The following MAPT variants were observed in gnomAD, a reference collection of about 807,000 sequenced individuals.
MAPT encodes microtubule associated protein tau.
MAPT carries 34 observed loss-of-function variants against 67.9 expected under a neutral mutation model. The ratio of observed to expected loss-of-function variants is 0.50; its 90% CI spans 0.38 to 0.67. The LOEUF (loss-of-function observed/expected upper bound fraction) is 0.67. Among genes scored for constraint, MAPT ranks in the 30% least tolerant of loss-of-function variants. The pLI is 0.00. For synonymous variants in MAPT, 456 were observed against 464.5 expected, an observed-to-expected ratio of 0.98 and a Z score of 0.23; for missense variants, 881 against 1,115.2, an observed-to-expected ratio of 0.79 and a Z score of 2.99.
intron 1 of MAPT, among the ~76,000 whole-genome samples, chr17:45,952,118 C>G (rs141357545): frequency 1.3e-5 from 2 of 152,086 alleles, no homozygotes; most frequent in Non-Finnish European, 2.9e-5. Context: ...GTCCAGGCTG[C>G]GTAGTCACCT....
At chr17:45,944,402 C>T (rs1341994081) in intron 1 of MAPT, among the ~76,000 whole-genome samples, 1 of 152,192 alleles carries the variant, frequency 6.6e-6, no homozygotes, top group African/African-American at 2.4e-5. Flanking sequence ...AGTCCAGGCA[C>T]CCATCCACTC....
intron 9 of MAPT, among the ~76,000 whole-genome samples, chr17:46,002,844 G>A (rs147658003): frequency 0.01 from 1,530 of 152,198 alleles, 18 homozygotes; most frequent in African/African-American, 0.035. Context: ...GTGCAGTGGT[G>A]CGATCATAGC....
chr17:45,909,970 G>A (rs1487297416), intron 1 of MAPT, among the ~76,000 whole-genome samples: 1 of 152,050 alleles, frequency 6.6e-6, no homozygotes, highest in African/African-American at 2.4e-5. Flanking sequence ...GAACCTGGGA[G>A]GCAGTGGTTG....
chr17:45,899,223 G>T (rs2063469754), intron 1 of MAPT, among the ~76,000 whole-genome samples: 2 of 152,130 alleles, frequency 1.3e-5, no homozygotes, highest in South Asian at 4.2e-4. Flanking sequence ...CTCGGGGAGG[G>T]TGCTACTGAC....
intron 2 of MAPT, among the ~76,000 whole-genome samples, chr17:45,965,477 G>A (rs972745366): frequency 1.3e-5 from 2 of 151,372 alleles, no homozygotes; most frequent in Non-Finnish European, 2.9e-5. Flanking sequence ...GTGTAGTGGC[G>A]CCATCTCGGC....
chr17:45,912,561 A>G (rs2064870867), intron 1 of MAPT, among the ~76,000 whole-genome samples: 1 of 152,260 alleles, frequency 6.6e-6, no homozygotes, highest in South Asian at 2.1e-4. Flanking sequence ...TTGGAGCTCC[A>G]GAGGGAGTGT....
intron 1 of MAPT, among the ~76,000 whole-genome samples, chr17:45,904,229 TTA>T (rs1211107629): frequency 4.1e-5 from 2 of 49,084 alleles, no homozygotes; most frequent in Admixed American, 4.0e-4. Context: ...ATTATATATA[TTA>T]TATATTATAA....
chr17:45,923,169 C>T (rs1033198646), intron 1 of MAPT, among the ~76,000 whole-genome samples: 1 of 152,108 alleles, frequency 6.6e-6, no homozygotes, highest in African/African-American at 2.4e-5. Flanking sequence ...GACTCCTGGC[C>T]AGAAACAGGC....
Position 45,991,522 on chromosome 17 carries a change from C to T in MAPT, c.1668C>T (p.Gly556=). The change falls in exon 8 of 13, where the codon GGC becomes GGT. Residue 556 remains glycine, a synonymous_variant. Transcript: ENST00000262410. ...PRGAAPPGQK[G]QANATRIPAK... ...GAGCAGCCCCTCCAGGCCAGAAGGGCCAGGCCAACGCCACCAGGATTCCAG... is the reference window on the plus strand; with the variant it reads ...GAGCAGCCCCTCCAGGCCAGAAGGGTCAGGCCAACGCCACCAGGATTCCAG... 5.0e-6 allele frequency: 8 copies of T among 1,614,186 alleles called. No individual in the cohort carries two copies. The highest frequency in any genetic ancestry group is 6.8e-6 in the Non-Finnish European group (8 of 1,180,042).
intron 1 of MAPT, among the ~76,000 whole-genome samples, chr17:45,913,470 G>A (rs2064944993): frequency 1.3e-5 from 2 of 152,184 alleles, no homozygotes; most frequent in Admixed American, 6.5e-5. Context: ...AACAGAGTGA[G>A]CTCAGGTGGT....
Position 45,896,481 on chromosome 17 carries a change from T to A in MAPT, c.-18+1795T>A, listed in dbSNP as rs984052632. The stretch of plus-strand genomic sequence containing the variant: ...CTGGTGCTTCGGCCACACCCATCTT[T>A]CTGAGCCCACTGGACTGGGCGCAGA... On this transcript the variant is annotated intron_variant, in intron 1 of 12. Transcript: ENST00000262410. The surrounding 1 kb of genome is among the most constrained non-coding windows in gnomAD (Gnocchi z 5.6). 5 of 152,298 alleles carry A rather than the reference T, an allele frequency of 3.3e-5. No homozygotes were observed. Among genetic ancestry groups the A allele is most frequent in the African/African-American group, 1.2e-4 (5 of 41,446 alleles). The allele number at this position is 152,298 out of a possible 1,614,324, so 9.4% of individuals were successfully genotyped here.
chr17:45,974,871 A>T, intron 3 of MAPT: 1 of 254,078 alleles, frequency 3.9e-6, no homozygotes, highest in Non-Finnish European at 7.8e-6. Flanking sequence ...GGACCCCAAG[A>T]TCACCTGAGC....
rs535178763 is a variant in MAPT at position 45,910,503 on chromosome 17, G to A, written c.-18+15817G>A. On this transcript the variant is annotated intron_variant, in intron 1 of 12. Coordinates refer to ENST00000262410, the MANE Select transcript of MAPT (RefSeq NM_001377265.1). ...TTCCCATTCACTGCTTTAGCCTAGGGGTCCTACCCTTTATTAAACTGCCAG... is the reference window on the plus strand; with the variant it reads ...TTCCCATTCACTGCTTTAGCCTAGGAGTCCTACCCTTTATTAAACTGCCAG... Among the ~76,000 whole-genome samples, 7 of 151,952 alleles carry A rather than the reference G, an allele frequency of 4.6e-5. No homozygotes were observed. In the East Asian group the frequency reaches 1.4e-3, roughly 29 times the overall value.
At position 45,995,730 on chromosome 17, in the gene MAPT, G is replaced by A. The variant is rs2074418270; in HGVS notation, c.1733-669G>A. On this transcript the variant is annotated intron_variant, in intron 8 of 12. Coordinates refer to ENST00000262410, the MANE Select transcript of MAPT (RefSeq NM_001377265.1). The surrounding 1 kb of genome is among the most constrained non-coding windows in gnomAD (Gnocchi z 4.3). Reference sequence around the variant, plus strand: ...AGCAGCATGAAGCGGTATGGCTCGTGTGGACAGCTAGGGACAGGCAGGCGT... The same window carrying A: ...AGCAGCATGAAGCGGTATGGCTCGTATGGACAGCTAGGGACAGGCAGGCGT... Among the ~76,000 whole-genome samples the A allele has an allele frequency of 6.6e-6, 1 of 152,180 alleles. No homozygotes were observed. The highest frequency in any genetic ancestry group is 2.4e-5 in the African/African-American group (1 of 41,442).
At chr17:45,968,491 G>C (rs754017340) in intron 2 of MAPT, among the ~76,000 whole-genome samples, 9 of 152,216 alleles carry the variant, frequency 5.9e-5, no homozygotes, top group Non-Finnish European at 1.2e-4. Flanking sequence ...GGAGGGTAGA[G>C]AGAATGGACA....
At chr17:45,961,330 T>C (rs1366730008) in intron 1 of MAPT, among the ~76,000 whole-genome samples, 1 of 151,952 alleles carries the variant, frequency 6.6e-6, no homozygotes, top group Non-Finnish European at 1.5e-5. Context: ...GGAAGAAGGG[T>C]GTGTGTTGCT....
chr17:45,932,687 C>T (rs1403098191), intron 1 of MAPT, among the ~76,000 whole-genome samples: 1 of 151,020 alleles, frequency 6.6e-6, no homozygotes, highest in Admixed American at 6.6e-5. Flanking sequence ...ACTAGAAGTT[C>T]TCCAAATAAC....
At chr17:45,932,594 C>CAAAAAAAA (rs982542546) in intron 1 of MAPT, among the ~76,000 whole-genome samples, 2 of 50,084 alleles carry the variant, frequency 4.0e-5, no homozygotes, top group African/African-American at 9.0e-5. Flanking sequence ...GACTCCATCT[C>CAAAAAAAA]AAAAAAAAAA....
intron 1 of MAPT, among the ~76,000 whole-genome samples, chr17:45,933,096 A>AAC (rs1166273248): frequency 1.4e-5 from 2 of 145,506 alleles, no homozygotes; most frequent in Admixed American, 1.4e-4. Flanking sequence ...CAAACAAACA[A>AAC]AAAAAAAAAC....
Sources: gnomAD v4.1 joint callset for allele counts (sites outside exome capture counted in the v4.1 genomes callset) on GRCh38, gnomAD v4.1.1 for gene constraint, Gnocchi (gnomAD v3.1) non-coding constraint, MANE v1.5 for transcripts, NCBI Gene and HGNC (gene_info 2026-07-23, HGNC 2026-07-21) for gene names.